Variants in SLC4A7 observed in about 807,000 individuals in gnomAD.
SLC4A7 encodes solute carrier family 4 member 7.
In SLC4A7, 51 loss-of-function variants were observed where a neutral mutation model predicts 137.6. That is an observed-to-expected ratio of 0.37 (90% CI 0.30 to 0.47). The LOEUF (loss-of-function observed/expected upper bound fraction) is 0.47. Among genes scored for constraint, SLC4A7 ranks in the 20% least tolerant of loss-of-function variants. SLC4A7 has a pLI of 1.00. For synonymous variants in SLC4A7, 542 were observed against 518.6 expected, an observed-to-expected ratio of 1.05 and a Z score of -0.61; for missense variants, 1,247 against 1,525.4, an observed-to-expected ratio of 0.82 and a Z score of 3.04.
chr3:27,387,402 T>G (rs1465944944), intron 22 of SLC4A7, among the ~76,000 whole-genome samples: 1 of 152,186 alleles, frequency 6.6e-6, no homozygotes. Flanking sequence ...CTACCATCCA[T>G]GTTTTTGAGT....
At chr3:27,471,386 T>C (rs1408238551) in intron 1 of SLC4A7, among the ~76,000 whole-genome samples, 3 of 152,150 alleles carry the variant, frequency 2.0e-5, no homozygotes, top group Non-Finnish European at 2.9e-5. Flanking sequence ...GCTATTCAGA[T>C]TGGAGAACAA....
rs762135806 is a variant in SLC4A7 at position 27,468,265 on chromosome 3, CAT to C, written c.61-15769_61-15768del. On this transcript the variant is annotated intron_variant, in intron 1 of 25. Transcript: ENST00000454389. ...TATTAAGAGATTAAAACAATTTACA[CAT>C]GTTTGACAACAGCTACTAATTAATG... is the stretch of plus-strand genomic sequence containing the variant. Among the ~76,000 whole-genome samples the C allele has an allele frequency of 4.9e-4, 74 of 152,260 alleles. 2 individuals are homozygous for C. Among genetic ancestry groups the C allele is most frequent in the Admixed American group, 3.3e-4 (5 of 15,288 alleles).
chr3:27,421,062 T>C (rs1021212495), intron 9 of SLC4A7, among the ~76,000 whole-genome samples: 2 of 152,072 alleles, frequency 1.3e-5, no homozygotes, highest in Admixed American at 6.5e-5. Context: ...CCCAAAGTGC[T>C]GGAATTACAG....
intron 4 of SLC4A7, 126 bp from the exon 5 acceptor site, chr3:27,436,674 A>C: frequency 1.7e-6 from 1 of 604,916 alleles, no homozygotes; most frequent in Non-Finnish European, 2.6e-6. Flanking sequence ...CCACGACCAA[A>C]CACGTTTTCA....
intron 7 of SLC4A7, 32 bp from the exon 8 acceptor site, chr3:27,424,184 G>A: frequency 8.5e-7 from 1 of 1,180,870 alleles, no homozygotes; most frequent in Non-Finnish European, 1.2e-6. Context: ...AAATTAGTAA[G>A]GAGAAAATTC....
chr3:27,431,525 C>T lies in SLC4A7; in HGVS notation c.923G>A (p.Cys308Tyr), dbSNP rs1277930784. 6.2e-7 allele frequency: 1 copy of T among 1,614,070 alleles called. No homozygotes were observed. Among genetic ancestry groups the T allele is most frequent in the Admixed American group, 1.7e-5 (1 of 60,018 alleles). ...SRAGTPAGSR[C>Y]TTPVPTPQNS... ...TTGAGGGGTGGGTACTGGGGTTGTACACCTTGAGCCTGCAGGGGTTCCAGC... is the reference window on the plus strand; with the variant it reads ...TTGAGGGGTGGGTACTGGGGTTGTATACCTTGAGCCTGCAGGGGTTCCAGC... Residue 308 changes from cysteine to tyrosine, a missense_variant, in exon 7 of 26, where the codon TGT (cysteine) becomes TAT (tyrosine). Cys to Tyr is a radical substitution (Grantham distance 194). Transcript: ENST00000454389.
intron 5 of SLC4A7, among the ~76,000 whole-genome samples, chr3:27,435,661 G>A (rs780237745): frequency 1.6e-4 from 24 of 152,260 alleles, no homozygotes; most frequent in African/African-American, 5.1e-4. Flanking sequence ...GCTACATGGC[G>A]AAAACCCGTC....
rs773108807 is a variant in SLC4A7 at position 27,394,930 on chromosome 3, C to T, written c.2865+24G>A. 17 of 1,578,438 alleles carry T rather than the reference C, an allele frequency of 1.1e-5. No individual in the cohort carries two copies. In the East Asian group the frequency reaches 3.4e-4, roughly 31 times the overall value. ...CTCAAACCCTTGAAGAATCACAATG[C>T]TTAAGGCAAAATTCTAAAATTACCT... On this transcript the variant is annotated intron_variant, in intron 19 of 25. Transcript: ENST00000454389.
intron 1 of SLC4A7, among the ~76,000 whole-genome samples, chr3:27,471,850 C>G (rs976944378): frequency 2.6e-5 from 4 of 152,230 alleles, no homozygotes; most frequent in African/African-American, 9.6e-5. Flanking sequence ...TGCTAACCAA[C>G]AGACCCAACA....
At chr3:27,398,377 G>A in intron 16 of SLC4A7, 24 bp from the exon 17 acceptor site, 1 of 1,577,878 alleles carries the variant, frequency 6.3e-7, no homozygotes, top group Non-Finnish European at 8.6e-7. Context: ...GAAAGAAAAA[G>A]CAGAATGGGG....
chr3:27,480,767 G>C (rs1449745040), intron 1 of SLC4A7, among the ~76,000 whole-genome samples: 6 of 151,932 alleles, frequency 3.9e-5, no homozygotes, highest in Admixed American at 2.0e-4. Flanking sequence ...GGGTTGTCCG[G>C]GTCTGTCATT....
At chr3:27,449,290 ATAGT>A (rs978209045) in intron 2 of SLC4A7, among the ~76,000 whole-genome samples, 4 of 151,498 alleles carry the variant, frequency 2.6e-5, no homozygotes, top group Admixed American at 1.3e-4. Context: ...ATGGCCAACC[ATAGT>A]TAGTAGAGGT....
At chr3:27,420,273 C>G (rs1186046345) in intron 10 of SLC4A7, among the ~76,000 whole-genome samples, 1 of 152,046 alleles carries the variant, frequency 6.6e-6, no homozygotes, top group Non-Finnish European at 1.5e-5. Context: ...TGGCAAGAAT[C>G]TGATTACAAA....
At chr3:27,456,645 A>G (rs770226290) in intron 1 of SLC4A7, 7 of 1,542,948 alleles carry the variant, frequency 4.5e-6, no homozygotes, top group Non-Finnish European at 6.3e-6. Flanking sequence ...ATAATTAGGT[A>G]CATACAGGTA....
intron 1 of SLC4A7, among the ~76,000 whole-genome samples, chr3:27,483,415 AC>A (rs968972032): frequency 4.6e-5 from 7 of 151,984 alleles, no homozygotes; most frequent in African/African-American, 1.7e-4. Context: ...GCAGGAGGAT[AC>A]TCCCCGGGTC....
intron 6 of SLC4A7, 60 bp downstream of exon 6, chr3:27,433,856 T>C (rs2056518300): frequency 1.5e-6 from 2 of 1,375,486 alleles, no homozygotes; most frequent in Non-Finnish European, 2.1e-6. Context: ...AATCGTAACA[T>C]ACTGGAAAGC....
chr3:27,443,119 C>A (rs559006542), intron 3 of SLC4A7, among the ~76,000 whole-genome samples: 9 of 147,386 alleles, frequency 6.1e-5, no homozygotes, highest in Non-Finnish European at 1.3e-4. Flanking sequence ...GCAACCTCTG[C>A]CTCCCGCATT....
intron 7 of SLC4A7, among the ~76,000 whole-genome samples, chr3:27,429,010 G>A (rs1247071701): frequency 1.3e-5 from 2 of 152,112 alleles, no homozygotes; most frequent in Non-Finnish European, 2.9e-5. Context: ...GCTCACACCT[G>A]TAATCCCAGC....
At chr3:27,457,651 A>C (rs2058480751) in intron 1 of SLC4A7, among the ~76,000 whole-genome samples, 2 of 152,154 alleles carry the variant, frequency 1.3e-5, no homozygotes, top group South Asian at 4.1e-4. Context: ...TTTGTCTACT[A>C]TGCACTTTGA....
Sources: gnomAD v4.1 joint callset for allele counts (sites outside exome capture counted in the v4.1 genomes callset) on GRCh38, gnomAD v4.1.1 for gene constraint, MANE v1.5 for transcripts, NCBI Gene and HGNC (gene_info 2026-07-23, HGNC 2026-07-21) for gene names.